Variants in RUNX1 observed in about 807,000 individuals in gnomAD.
RUNX1 encodes the protein runt-related transcription factor 1.
In RUNX1, 19 loss-of-function variants were observed where a neutral mutation model predicts 42.8. That is an observed-to-expected ratio of 0.44 (90% confidence interval 0.31 to 0.65). The LOEUF (loss-of-function observed/expected upper bound fraction) is 0.65, where lower values mean the gene tolerates loss of function less well. RUNX1 is among the 30% of genes least tolerant of loss of function. The probability of loss-of-function intolerance (pLI) is 0.07; values close to 1 mark genes in which losing one functional copy is unlikely to be tolerated. For synonymous variants in RUNX1, 271 were observed against 289.4 expected (o/e 0.94, Z 0.64); for missense variants, 528 against 672.0 (o/e 0.79, Z 2.37).
chr21:34,936,451 G>C (rs1438396043), intron 2 of RUNX1, among the ~76,000 whole-genome samples: 1 of 152,138 alleles, frequency 6.6e-6, no homozygotes, highest in East Asian at 1.9e-4. Flanking sequence ...AGTAGTGCTT[G>C]GTAGCTAACC....
chr21:34,876,497 C>T (rs1298936719), intron 5 of RUNX1, among the ~76,000 whole-genome samples: 4 of 152,160 alleles, frequency 2.6e-5, no homozygotes, highest in Admixed American at 6.5e-5. Flanking sequence ...CCCAGAAGGT[C>T]CATAAATGAG....
chr21:34,887,294 C>T lies in RUNX1; in HGVS notation c.98-198G>A, dbSNP rs186370199. On this transcript the variant is annotated intron_variant, in intron 3 of 8. Transcript: ENST00000675419. Reference sequence around the variant, plus strand: ...GGAGGGAGACTAAGTTACTAACAGTCCAGGAGGGGAAAACGTTCTGGTTCT... The same window carrying T: ...GGAGGGAGACTAAGTTACTAACAGTTCAGGAGGGGAAAACGTTCTGGTTCT... The T allele has an allele frequency of 4.3e-4, 625 of 1,458,672 alleles. 4 individuals are homozygous for T. In the African/African-American group the frequency reaches 8.0e-3, roughly 19 times the overall value. 90.4% of individuals were successfully genotyped at this position (1,458,672 alleles called of 1,614,324 possible).
At chr21:34,875,146 C>T (rs1297879541) in intron 5 of RUNX1, among the ~76,000 whole-genome samples, 2 of 152,252 alleles carry the variant, frequency 1.3e-5, no homozygotes, top group Non-Finnish European at 2.9e-5. Context: ...TGCGAAACTG[C>T]CTGTTGCAAG....
intron 2 of RUNX1, among the ~76,000 whole-genome samples, chr21:35,021,270 G>T (rs1042981750): frequency 6.6e-6 from 1 of 152,146 alleles, no homozygotes; most frequent in Non-Finnish European, 1.5e-5. Context: ...ATTGTTCTGA[G>T]GATTACATGA....
At chr21:35,009,374 C>T (rs1601667541) in intron 2 of RUNX1, among the ~76,000 whole-genome samples, 2 of 152,234 alleles carry the variant, frequency 1.3e-5, no homozygotes. Context: ...GGAACCAACA[C>T]TTCTGCACAA....
chr21:35,004,563 T>A (rs2834721), intron 2 of RUNX1, among the ~76,000 whole-genome samples: 9 of 152,158 alleles, frequency 5.9e-5, no homozygotes, highest in African/African-American at 1.7e-4. Context: ...CACTAGAACC[T>A]GGGAACTTTG....
intron 3 of RUNX1, among the ~76,000 whole-genome samples, chr21:34,891,328 C>G (rs1357556878): frequency 6.6e-6 from 1 of 152,220 alleles, no homozygotes; most frequent in South Asian, 2.1e-4. Context: ...CTCCTTGACT[C>G]GATGGGATCG....
At chr21:35,027,917 T>C (rs1043021605) in intron 2 of RUNX1, among the ~76,000 whole-genome samples, 2 of 152,258 alleles carry the variant, frequency 1.3e-5, no homozygotes, top group Non-Finnish European at 2.9e-5. Flanking sequence ...TAGGATCTTG[T>C]GGCCTACATT....
chr21:34,827,266 A>G (rs1295268758), intron 7 of RUNX1, among the ~76,000 whole-genome samples: 1 of 152,240 alleles, frequency 6.6e-6, no homozygotes, highest in Non-Finnish European at 1.5e-5. Flanking sequence ...GAAATACTTA[A>G]GCAGCAAAGC....
chr21:34,911,316 A>G (rs370868372), intron 2 of RUNX1, among the ~76,000 whole-genome samples: 1 of 152,312 alleles, frequency 6.6e-6, no homozygotes, highest in East Asian at 1.9e-4. Flanking sequence ...CAAAGGTGAT[A>G]TTAACAACAG....
At position 35,010,631 on chromosome 21, in the gene RUNX1, A is replaced by G. The variant is rs111882940; in HGVS notation, c.58+38211T>C. 3.8e-3 allele frequency among the ~76,000 whole-genome samples: 563 copies of G among 147,696 alleles called. 2 individuals carry two copies. Among genetic ancestry groups the G allele is most frequent in the African/African-American group, 0.014 (538 of 39,138 alleles). ...ACCGTGAGTACACACACACGCACAC[A>G]CACACACACACACACACACACTCAT... is the stretch of plus-strand genomic sequence containing the variant. On this transcript the variant is annotated intron_variant, in intron 2 of 8. Transcript: ENST00000675419.
In RUNX1 at chr21:34,791,144, T is replaced by C; in HGVS notation, c.*991A>G. 1 of 233,682 alleles carries C rather than the reference T, an allele frequency of 4.3e-6. No homozygotes were observed. The allele number at this position is 233,682 out of a possible 1,614,324, so 14.5% of individuals were successfully genotyped here. On this transcript the variant is annotated 3_prime_UTR_variant, in exon 9 of 9. Transcript: ENST00000675419. Reference sequence around the variant, plus strand: ...AAACGTTGCTGCGTGAGCTACTCACTTGTTTGATTAACATGAAAGGGAGTT... The same window carrying C: ...AAACGTTGCTGCGTGAGCTACTCACCTGTTTGATTAACATGAAAGGGAGTT...
intron 2 of RUNX1, among the ~76,000 whole-genome samples, chr21:34,995,050 A>G (rs1313181150): frequency 6.6e-6 from 1 of 152,222 alleles, no homozygotes; most frequent in African/African-American, 2.4e-5. Context: ...GTGGCATTTA[A>G]GCCCGAAAGG....
chr21:35,044,612 C>T (rs1349442629), intron 2 of RUNX1, among the ~76,000 whole-genome samples: 1 of 152,196 alleles, frequency 6.6e-6, no homozygotes, highest in African/African-American at 2.4e-5. Flanking sequence ...GTCATCTGAG[C>T]ACATTCCCTG....
chr21:34,934,039 G>C (rs2058467191), intron 2 of RUNX1, among the ~76,000 whole-genome samples: 1 of 152,192 alleles, frequency 6.6e-6, no homozygotes, highest in African/African-American at 2.4e-5. Context: ...ATGAGAGGCA[G>C]TGGATAGGGA....
chr21:34,850,866 T>C (rs2146189214), intron 6 of RUNX1, among the ~76,000 whole-genome samples: 1 of 152,350 alleles, frequency 6.6e-6, no homozygotes, highest in East Asian at 1.9e-4. Flanking sequence ...AGATCTTTTT[T>C]GGTTAAAGTT....
chr21:34,801,006 C>T (rs1300523668), intron 7 of RUNX1, among the ~76,000 whole-genome samples: 1 of 151,950 alleles, frequency 6.6e-6, no homozygotes, highest in African/African-American at 2.4e-5. Flanking sequence ...GCTGAAGCTC[C>T]TGTGTAATCT....
At chr21:35,017,805 G>A (rs912413313) in intron 2 of RUNX1, among the ~76,000 whole-genome samples, 6 of 152,064 alleles carry the variant, frequency 3.9e-5, no homozygotes, top group Admixed American at 2.6e-4. Flanking sequence ...GCATTCACCC[G>A]GGTGCAAAGG....
chr21:35,014,758 C>T (rs1300579381), intron 2 of RUNX1, among the ~76,000 whole-genome samples: 1 of 152,272 alleles, frequency 6.6e-6, no homozygotes. Context: ...ACAGACGGGG[C>T]TGAGCCCTCT....
Sources: allele counts gnomAD v4.1 joint callset (sites outside exome capture counted in the v4.1 genomes callset), GRCh38; gene constraint gnomAD v4.1.1; transcripts MANE v1.5; gene names NCBI Gene and HGNC (gene_info 2026-07-23, HGNC 2026-07-21).